Variants in PRKAR1A observed in about 807,000 individuals in gnomAD.
PRKAR1A encodes protein kinase cAMP-dependent type I regulatory subunit alpha.
In PRKAR1A, 3 loss-of-function variants were observed where a neutral mutation model predicts 52.0. The ratio of observed to expected loss-of-function variants is 0.06; its 90% CI spans 0.03 to 0.15. PRKAR1A has a LOEUF of 0.15. Ranked by LOEUF, PRKAR1A falls within the 10% of genes least tolerant of loss-of-function variation. The pLI, the probability that PRKAR1A is intolerant of heterozygous loss-of-function variation, is 1.00. For missense variants in PRKAR1A, 240 were observed against 477.4 expected, an observed-to-expected ratio of 0.50 and a Z score of 4.63; for synonymous variants, 188 against 168.4, an observed-to-expected ratio of 1.12 and a Z score of -0.90.
At chr17:68,466,783 AC>A in the PRKAR1A span, among the ~76,000 whole-genome samples, 1 of 152,172 alleles carries the variant, frequency 6.6e-6, no homozygotes, top group African/African-American at 2.4e-5. Flanking sequence ...AAATTTACAT[AC>A]AGTTAACCAT....
chr17:68,528,675 T>G (rs929569039), intron 8 of PRKAR1A, 195 bp from the exon 9 acceptor site: 1 of 681,378 alleles, frequency 1.5e-6, no homozygotes, highest in Admixed American at 2.6e-5. Flanking sequence ...AGTAAGGATC[T>G]AAGGGCTATC....
At chr17:68,535,254 G>C (rs1365196751), downstream of PRKAR1A, 1 of 452,884 alleles carries the variant, frequency 2.2e-6, no homozygotes, top group Non-Finnish European at 4.4e-6. Context: ...TAATCAAAAA[G>C]TAATGGAAGG....
chr17:68,460,045 T>C, the PRKAR1A span, among the ~76,000 whole-genome samples: 2 of 152,068 alleles, frequency 1.3e-5, no homozygotes, highest in Non-Finnish European at 2.9e-5. Context: ...GGTCTCACAC[T>C]CCTGACCTCA....
At chr17:68,542,602 A>G (rs2143507109) in intron 11 of PRKAR1A, 1 of 951,074 alleles carries the variant, frequency 1.1e-6, no homozygotes, top group East Asian at 2.4e-5. Context: ...TAGTGCTAGC[A>G]GCAGGGTGTC....
At chr17:68,448,196 A>C in the PRKAR1A span, 1 of 152,220 alleles carries the variant, frequency 6.6e-6, no homozygotes, top group Non-Finnish European at 1.5e-5. Flanking sequence ...CGGACACCAC[A>C]GAATCCCTAC....
At chr17:68,530,113 A>G (rs1281262985) in intron 10 of PRKAR1A, 112 bp downstream of exon 10, 3 of 1,483,158 alleles carry the variant, frequency 2.0e-6, no homozygotes, top group African/African-American at 2.8e-5. Context: ...TTCTAACTGC[A>G]GTCTTTTTTG....
At chr17:68,543,578 C>G in intron 11 of PRKAR1A, 1 of 1,539,770 alleles carries the variant, frequency 6.5e-7, no homozygotes, top group Non-Finnish European at 9.0e-7. Flanking sequence ...CCACCCCTCC[C>G]AGAGGATTGG....
In PRKAR1A at chr17:68,524,201, T is replaced by C. The variant is rs563224029; in HGVS notation, c.502+124T>C. On this transcript the variant is annotated intron_variant, in intron 5 of 10. Transcript: ENST00000589228. ...TCCTACCACTTTTTTTTTTCTGTTATACTATTGGATTTTTCTATTTCTTTT... is the reference window on the plus strand; with the variant it reads ...TCCTACCACTTTTTTTTTTCTGTTACACTATTGGATTTTTCTATTTCTTTT... 223 of 868,728 alleles carry C rather than the reference T, an allele frequency of 2.6e-4. No individual in the cohort carries two copies. The African/African-American group carries it at 3.4e-3, about 13-fold the overall frequency. 53.8% of individuals were successfully genotyped at this position (868,728 alleles called of 1,614,324 possible).
chr17:68,537,524 C>A, downstream of PRKAR1A: 1 of 1,613,896 alleles, frequency 6.2e-7, no homozygotes. The surrounding 1 kb of genome is among the most constrained non-coding windows in gnomAD (Gnocchi z 4.2). Context: ...AACTGTTCCA[C>A]TGGGCCGTCG....
chr17:68,545,741 C>A (rs2086524965), intron 11 of PRKAR1A, among the ~76,000 whole-genome samples: 1 of 152,240 alleles, frequency 6.6e-6, no homozygotes. Context: ...TCCTCTCAAA[C>A]CCTGCTGCTG....
chr17:68,513,626 A>G (rs1329624665), intron 1 of PRKAR1A, among the ~76,000 whole-genome samples: 1 of 152,214 alleles, frequency 6.6e-6, no homozygotes, highest in Non-Finnish European at 1.5e-5. Flanking sequence ...GTTGGGCTTT[A>G]CAAATAAGTA....
chr17:68,536,112 T>A (rs1165822768), downstream of PRKAR1A: 1 of 454,096 alleles, frequency 2.2e-6, no homozygotes, highest in Non-Finnish European at 4.4e-6. Context: ...ATACCAGTCA[T>A]GTGGGGGTAC....
At chr17:68,456,484 G>C in the PRKAR1A span, among the ~76,000 whole-genome samples, 1 of 142,284 alleles carries the variant, frequency 7.0e-6, no homozygotes, top group African/African-American at 2.6e-5. Flanking sequence ...CCCAGGGCTC[G>C]CTTCCATGAA....
chr17:68,428,872 C>T, the PRKAR1A span: 1 of 1,614,164 alleles, frequency 6.2e-7, no homozygotes, highest in Non-Finnish European at 8.5e-7. Flanking sequence ...TCCTGAGGAT[C>T]CAAATTGTAC....
At chr17:68,473,698 C>T in the PRKAR1A span, among the ~76,000 whole-genome samples, 1 of 152,034 alleles carries the variant, frequency 6.6e-6, no homozygotes, top group East Asian at 1.9e-4. Context: ...ATTTTTTGTA[C>T]TTTTACTAGA....
chr17:68,486,409 TTTC>T, the PRKAR1A span, among the ~76,000 whole-genome samples: 6,614 of 113,376 alleles, frequency 0.058, 240 homozygotes, highest in Non-Finnish European at 0.089. Context: ...TCTTTCTTTC[TTTC>T]TTTCCTTCCT....
the PRKAR1A span, among the ~76,000 whole-genome samples, chr17:68,438,007 G>A: frequency 1.5e-4 from 21 of 139,854 alleles, no homozygotes; most frequent in Admixed American, 4.4e-4. Context: ...AGTATATTAA[G>A]TGGGTTTCTT....
At chr17:68,511,313 C>A (rs2085261055), upstream of PRKAR1A, among the ~76,000 whole-genome samples, 1 of 152,058 alleles carries the variant, frequency 6.6e-6, no homozygotes, top group Admixed American at 6.5e-5. Flanking sequence ...GATGGGCCTT[C>A]TTTATTGAGT....
At chr17:68,510,790 C>T (rs541992869), upstream of PRKAR1A, among the ~76,000 whole-genome samples, 194 of 152,250 alleles carry the variant, frequency 1.3e-3, no homozygotes, top group African/African-American at 4.4e-3. Context: ...CCCTGTAAGC[C>T]TGATTGCCCT....
Sources: allele counts gnomAD v4.1 joint callset (sites outside exome capture counted in the v4.1 genomes callset), GRCh38; gene constraint gnomAD v4.1.1; non-coding constraint Gnocchi (gnomAD v3.1); transcripts MANE v1.5; gene names NCBI Gene and HGNC (gene_info 2026-07-23, HGNC 2026-07-21).